LMF1: variants seen among roughly 807,000 people sequenced by gnomAD.
The protein encoded by LMF1 is transmembrane protein 112.
A neutral mutation model predicts 60.6 loss-of-function variants in LMF1; 68 were observed. The observed-to-expected ratio is 1.12, with a 90% confidence interval of 0.92 to 1.37. The LOEUF is 1.37. Ranked by LOEUF, LMF1 falls within the 40% of genes most tolerant of loss-of-function variation. LMF1 has a pLI of 0.00. For missense variants in LMF1, 948 were observed against 767.2 expected (o/e 1.24, Z -2.78); for synonymous variants, 418 against 324.7 (o/e 1.29, Z -3.09).
In LMF1 at chr16:910,747, G is replaced by A. The variant is rs1006670076; in HGVS notation, c.663+184C>T. 2.0e-5 allele frequency among the ~76,000 whole-genome samples: 3 copies of A among 152,224 alleles called. 1 individual carries two copies. The highest frequency in any genetic ancestry group is 1.3e-4 in the Admixed American group (2 of 15,292). ...TGAGCATGCCCGGGAAAAGCCAGCC[G>A]GTCCCCAGCATTCAAACACAGGCCC... On this transcript the variant is annotated intron_variant, in intron 4 of 10. Transcript: ENST00000262301.
chr16:934,026 G>A (rs758102379), intron 3 of LMF1: 9 of 1,502,348 alleles, frequency 6.0e-6, no homozygotes, highest in Admixed American at 4.0e-5. Context: ...GCGACCATCC[G>A]TCTCTAGGTG....
intron 5 of LMF1, among the ~76,000 whole-genome samples, chr16:881,124 T>C (rs1048798217): frequency 2.0e-5 from 3 of 152,114 alleles, no homozygotes; most frequent in Admixed American, 6.5e-5. Flanking sequence ...AAAGCGCACA[T>C]AGGGGCTGTG....
At position 909,510 on chromosome 16, in the gene LMF1, A is replaced by G. The variant is rs113245438; in HGVS notation, c.663+1421T>C. Among the ~76,000 whole-genome samples the G allele has an allele frequency of 7.0e-4, 106 of 152,276 alleles. 2 individuals are homozygous for G. The highest frequency in any genetic ancestry group is 2.4e-3 in the African/African-American group (101 of 41,558). On this transcript the variant is annotated intron_variant, in intron 4 of 10. Transcript: ENST00000262301. ...TATGCGCTATACTGAGCCACGCTAC[A>G]CAGAGCCACGCTACACGCTATACCA...
upstream of LMF1, chr16:981,347 A>AGAAAGAGTGTGTGTGT (rs1302286541): frequency 2.1e-5 from 2 of 94,616 alleles, no homozygotes; most frequent in African/African-American, 1.6e-4. Context: ...AGAGAGAGAG[A>AGAAAGAGTGTGTGTGT]GTGTGTGTGT....
At chr16:856,543 C>T (rs549456344) in intron 10 of LMF1, among the ~76,000 whole-genome samples, 174 of 152,328 alleles carry the variant, frequency 1.1e-3, no homozygotes, top group African/African-American at 2.6e-3. Flanking sequence ...TGGGATTGCC[C>T]ATCTTTCCCA....
chr16:954,061 A>G (rs2729574), intron 2 of LMF1, among the ~76,000 whole-genome samples: 5,242 of 96,542 alleles, frequency 0.054, 1,017 homozygotes, highest in Non-Finnish European at 0.067. Flanking sequence ...ACACAGACAC[A>G]GACCCACTGC....
chr16:980,014 G>A, intron 1 of LMF1: 1 of 333,242 alleles, frequency 3.0e-6, no homozygotes, highest in Non-Finnish European at 5.9e-6. Context: ...AGCCAAGCGA[G>A]ATGGTGGGAC....
upstream of LMF1, chr16:981,310 G>GAA: frequency 5.0e-6 from 1 of 199,246 alleles, no homozygotes; most frequent in Non-Finnish European, 1.0e-5. Context: ...GTGTGAGAGA[G>GAA]AGAGAGAGAG....
chr16:964,828 C>G (rs1184671639), intron 1 of LMF1, among the ~76,000 whole-genome samples: 1 of 152,226 alleles, frequency 6.6e-6, no homozygotes, highest in African/African-American at 2.4e-5. Context: ...CGGTGAGACT[C>G]AGAGACACGC....
At chr16:896,665 A>G (rs976873212) in intron 4 of LMF1, among the ~76,000 whole-genome samples, 3 of 152,170 alleles carry the variant, frequency 2.0e-5, no homozygotes, top group Non-Finnish European at 4.4e-5. Flanking sequence ...GCACGGCTCC[A>G]CCGGGCAGGG....
chr16:932,110 C>A (rs1292512371), intron 3 of LMF1, among the ~76,000 whole-genome samples: 1 of 152,226 alleles, frequency 6.6e-6, no homozygotes, highest in African/African-American at 2.4e-5. Context: ...CCAGAGTCAC[C>A]CGGCTCCTCG....
intron 10 of LMF1, among the ~76,000 whole-genome samples, chr16:867,045 G>A (rs777607370): frequency 3.3e-5 from 5 of 152,182 alleles, no homozygotes; most frequent in African/African-American, 4.8e-5. Flanking sequence ...CAGTTTTAAA[G>A]TCGATGATGA....
intron 2 of LMF1, among the ~76,000 whole-genome samples, chr16:948,413 AAGCCAACGACAGAGTC>A (rs2072311198): frequency 1.7e-5 from 2 of 119,514 alleles, no homozygotes; most frequent in Non-Finnish European, 3.5e-5. Flanking sequence ...GACAGAGTCA[AAGCCAACGACAGAGTC>A]AGCCAACGAC....
In LMF1 at chr16:911,064, A is replaced by G; in HGVS notation, c.530T>C (p.Leu177Pro). 1 of 1,612,262 alleles carries G rather than the reference A, an allele frequency of 6.2e-7. No individual in the cohort carries two copies. The highest frequency in any genetic ancestry group is 1.1e-5 in the South Asian group (1 of 90,868). ...GATCCCCAGGAACCCCGTCTCCAGA[A>G]GCTGGGACTCCCATCCTAAAACAAC... ...VWYSFGWESQ[L>P]LETGFLGIFL... is the part of the protein sequence containing the mutation. Residue 177 changes from leucine to proline, a missense_variant, in exon 4 of 11, where the codon CTT becomes CCT. Transcript: ENST00000262301.
rs28688122 is a variant in LMF1, at chr16:857,093, G to A, written c.1530-2387C>T. On this transcript the variant is annotated intron_variant, in intron 10 of 10. Transcript: ENST00000262301. ...TCAGGTTCCGCCAGGTCGTGTGATG[G>A]AGGCTTCCTTCCTCCTCGTCGCTGA... Among the ~76,000 whole-genome samples the A allele has an allele frequency of 1.0e-3, 158 of 152,392 alleles. 2 individuals are homozygous for A. Among genetic ancestry groups the A allele is most frequent in the African/African-American group, 3.5e-3 (147 of 41,598 alleles).
chr16:883,292 C>T (rs555931318), intron 5 of LMF1, among the ~76,000 whole-genome samples: 49 of 151,228 alleles, frequency 3.2e-4, no homozygotes, highest in African/African-American at 1.0e-3. Flanking sequence ...AAGAGCTGCC[C>T]GGCAGAGCCT....
chr16:981,516 C>G, upstream of LMF1: 1 of 182,282 alleles, frequency 5.5e-6, no homozygotes, highest in Non-Finnish European at 1.2e-5. Context: ...CACCCGGCCT[C>G]CCTGCCCCGC....
chr16:974,552 C>A (rs2073100107), upstream of LMF1, among the ~76,000 whole-genome samples: 1 of 152,208 alleles, frequency 6.6e-6, no homozygotes, highest in African/African-American at 2.4e-5. Flanking sequence ...GACGGACACC[C>A]CAAGAGCACG....
At chr16:975,331 T>C (rs1379935478), upstream of LMF1, among the ~76,000 whole-genome samples, 1 of 152,176 alleles carries the variant, frequency 6.6e-6, no homozygotes, top group African/African-American at 2.4e-5. Context: ...AATTTTTTTT[T>C]TTTCTCTAGG....
Sources: gnomAD v4.1 joint callset for allele counts (sites outside exome capture counted in the v4.1 genomes callset) on GRCh38, gnomAD v4.1.1 for gene constraint, MANE v1.5 for transcripts, NCBI Gene and HGNC (gene_info 2026-07-23, HGNC 2026-07-21) for gene names.